The following GALNS variants were observed in gnomAD, a reference collection of about 807,000 sequenced individuals.
GALNS encodes galactosamine (N-acetyl)-6-sulfatase.
In GALNS, 65 loss-of-function variants were observed where a neutral mutation model predicts 65.9. That is an observed-to-expected ratio of 0.99 (90% CI 0.81 to 1.21). GALNS has a LOEUF of 1.21. Among genes scored for constraint, GALNS ranks in the 50% most tolerant of loss-of-function variants. GALNS has a pLI of 0.00. For synonymous variants in GALNS, 346 were observed against 288.9 expected, an observed-to-expected ratio of 1.20 and a Z score of -2.00; for missense variants, 776 against 700.7, an observed-to-expected ratio of 1.11 and a Z score of -1.21.
intron 12 of GALNS, among the ~76,000 whole-genome samples, chr16:88,819,069 G>C (rs1365998965): frequency 6.6e-5 from 10 of 152,240 alleles, no homozygotes; most frequent in Admixed American, 6.5e-4. Flanking sequence ...CTGAAGCCCA[G>C]TCTTCTGCCT....
chr16:88,837,833 C>A, intron 4 of GALNS, 68 bp from the exon 5 acceptor site: 1 of 1,527,476 alleles, frequency 6.5e-7, no homozygotes, highest in Admixed American at 1.7e-5. Context: ...TGAGCAGCAA[C>A]AGATACCACC....
Position 88,826,194 on chromosome 16 carries a change from G to A in GALNS, c.1139+508C>T, listed in dbSNP as rs554167930. Among the ~76,000 whole-genome samples, 637 of 149,530 alleles carry A rather than the reference G, an allele frequency of 4.3e-3. 9 individuals carry two copies. Among genetic ancestry groups the A allele is most frequent in the African/African-American group, 0.015 (595 of 40,442 alleles). ...GCTACAGACAGGGAACAGGGGTGGG[G>A]CGGGCAGGGGCGGCGTGTGCCCAGG... On this transcript the variant is annotated intron_variant, in intron 10 of 13. Transcript: ENST00000268695.
chr16:88,822,801 C>A, intron 11 of GALNS, 91 bp from the exon 12 acceptor site: 1 of 1,536,030 alleles, frequency 6.5e-7, no homozygotes, highest in Non-Finnish European at 8.8e-7. Context: ...CCCCTGACTG[C>A]GGCCGTGAGG....
intron 12 of GALNS, among the ~76,000 whole-genome samples, chr16:88,821,277 G>C (rs1007304801): frequency 6.6e-6 from 1 of 152,166 alleles, no homozygotes; most frequent in African/African-American, 2.4e-5. Context: ...GGTGAGCCGA[G>C]GCTGGTGGCG....
rs1483688791 is a variant in GALNS at position 88,826,851 on chromosome 16, G to C, written c.1003-13C>G. The C allele has an allele frequency of 1.3e-6, 2 of 1,565,986 alleles. No individual in the cohort carries two copies. Among genetic ancestry groups the C allele is most frequent in the African/African-American group, 2.7e-5 (2 of 73,664 alleles). On this transcript the variant is annotated splice_polypyrimidine_tract_variant and intron_variant, in intron 9 of 13. Transcript: ENST00000268695. ...GCTGGTGGCTCACCTGAAACACATG[G>C]CAGCAACACGGTCAGGGCACTCTGC...
chr16:88,815,061 A>T lies in GALNS; in HGVS notation c.1483-536T>A, dbSNP rs906109410. The T allele has an allele frequency of 4.4e-6, 4 of 905,248 alleles. No homozygotes were observed. In the Admixed American group the frequency reaches 3.9e-4, roughly 88 times the overall value. 56.1% of individuals were successfully genotyped at this position (905,248 alleles called of 1,614,324 possible). On this transcript the variant is annotated intron_variant, in intron 13 of 13. Transcript: ENST00000268695. The stretch of plus-strand genomic sequence containing the variant: ...AGCAGTTTTGATGTGTCCCCTGCCC[A>T]GGTCAACCCCGGACCCCAACCAATT...
chr16:88,822,170 C>T (rs941173212), intron 12 of GALNS, among the ~76,000 whole-genome samples: 1 of 152,104 alleles, frequency 6.6e-6, no homozygotes, highest in Non-Finnish European at 1.5e-5. Context: ...CCGGCATCCT[C>T]GGTGGGGTGA....
intron 1 of GALNS, among the ~76,000 whole-genome samples, chr16:88,853,212 C>G (rs1967589326): frequency 7.2e-6 from 1 of 139,722 alleles, no homozygotes; most frequent in African/African-American, 2.8e-5. Flanking sequence ...GATCACACCA[C>G]TGCAATCCAG....
chr16:88,818,055 G>C lies in GALNS; in HGVS notation c.1434C>G (p.Ala478=). Residue 478 remains alanine (A), a synonymous_variant, in exon 13 of 14, where the codon GCC becomes GCG. Coordinates refer to ENST00000268695, the MANE Select transcript of GALNS (RefSeq NM_000512.5). ...TGAGCTGGGGCTGCGCGGGGACCAAGGCCTCCTGGTGCTGCTGGACGACCG... is the reference window on the plus strand; with the variant it reads ...TGAGCTGGGGCTGCGCGGGGACCAACGCCTCCTGGTGCTGCTGGACGACCG... ...ITSVVQQHQE[A]LVPAQPQLNV... 1 of 1,582,016 alleles carries C rather than the reference G, an allele frequency of 6.3e-7. No individual in the cohort carries two copies. The highest frequency in any genetic ancestry group is 1.1e-5 in the South Asian group (1 of 87,110).
intron 5 of GALNS, 53 bp downstream of exon 5, chr16:88,837,564 AGGCAC>A: frequency 6.4e-7 from 1 of 1,574,262 alleles, no homozygotes; most frequent in South Asian, 1.1e-5. Context: ...GGCGGGGGGC[AGGCAC>A]GCCGGGCACA....
At chr16:88,855,812 G>C in intron 1 of GALNS, 1 of 511,490 alleles carries the variant, frequency 2.0e-6, no homozygotes, top group East Asian at 3.5e-5. Flanking sequence ...GCACAGGTGG[G>C]TCTGAAGGCA....
At chr16:88,818,170 G>A in intron 12 of GALNS, 46 bp from the exon 13 acceptor site, 4 of 1,461,232 alleles carry the variant, frequency 2.7e-6, no homozygotes, top group Non-Finnish European at 3.7e-6. Context: ...TGACAGCGAA[G>A]GACGGAGAGG....
At position 88,832,012 on chromosome 16, in the gene GALNS, C is replaced by T. The variant is rs767856715; in HGVS notation, c.988G>A (p.Val330Ile). The change falls in exon 9 of 14, where the codon GTC (valine) becomes ATC (isoleucine). Residue 330 changes from valine (V) to isoleucine (I), a missense_variant. Transcript: ENST00000268695. ...EPALAWWPGH[V>I]TAGQVSHQLG... ...CGCTGACTCACCTGGCCTGCAGTGA[C>T]GTGCCCTGGCCACCATGCGAGGGCA... 9.3e-6 allele frequency: 15 copies of T among 1,613,390 alleles called. No individual in the cohort carries two copies. In the South Asian group the frequency reaches 1.1e-4, roughly 12 times the overall value.
Position 88,842,796 on chromosome 16 carries a change from G to A in GALNS, c.154C>T (p.Pro52Ser). The change falls in exon 2 of 14, where the codon CCC (proline) becomes TCC (serine). Residue 52 changes from proline to serine, a missense_variant. Coordinates refer to ENST00000268695, the MANE Select transcript of GALNS (RefSeq NM_000512.5). ...GWGDLGVYGE[P>S]SRETPNLDRM... is the part of the protein sequence containing the mutation. ...TCCAAATTCGGGGTCTCTCTGGAGGGCTCTCCATACACCCCGAGGTCACCC... is the reference window on the plus strand; with the variant it reads ...TCCAAATTCGGGGTCTCTCTGGAGGACTCTCCATACACCCCGAGGTCACCC... 6.2e-7 allele frequency: 1 copy of A among 1,613,412 alleles called. No individual in the cohort carries two copies. Among genetic ancestry groups the A allele is most frequent in the Non-Finnish European group, 8.5e-7 (1 of 1,179,930 alleles).
intron 8 of GALNS, among the ~76,000 whole-genome samples, chr16:88,833,375 G>C (rs1215309812): frequency 6.6e-6 from 1 of 151,954 alleles, no homozygotes; most frequent in Non-Finnish European, 1.5e-5. Context: ...ACTTCTAGGG[G>C]ACACTCAGGC....
chr16:88,835,834 T>C lies in GALNS; in HGVS notation c.649A>G (p.Ile217Val). The C allele has an allele frequency of 1.9e-6, 3 of 1,614,136 alleles. No homozygotes were observed. Among genetic ancestry groups the C allele is most frequent in the Non-Finnish European group, 2.5e-6 (3 of 1,180,018 alleles). Residue 217 changes from isoleucine to valine, a missense_variant, in exon 7 of 14, where the codon ATT (isoleucine) becomes GTT (valine). By Grantham distance (29) the Ile-to-Val change is conservative. Transcript: ENST00000268695. ...QIYLQEALDF[I>V]KRQARHHPFF... The stretch of plus-strand genomic sequence containing the variant: ...GGGTGGTGCCGTGCCTGTCTCTTAA[T>C]GAAGTCCAGGGCTTCCTATGGAGAG...
intron 1 of GALNS, chr16:88,845,582 A>C (rs957931262): frequency 6.6e-6 from 1 of 151,742 alleles, no homozygotes; most frequent in Non-Finnish European, 1.5e-5. Flanking sequence ...CCCAGTCTCT[A>C]CTAAAAACAC....
At chr16:88,826,984 G>C in intron 9 of GALNS, 146 bp from the exon 10 acceptor site, 1 of 1,008,860 alleles carries the variant, frequency 9.9e-7, no homozygotes, top group Non-Finnish European at 1.5e-6. Flanking sequence ...CAGGGACTGA[G>C]CGGGGTCACA....
intron 11 of GALNS, among the ~76,000 whole-genome samples, chr16:88,824,367 T>C (rs1048765673): frequency 6.6e-6 from 1 of 151,948 alleles, no homozygotes; most frequent in Non-Finnish European, 1.5e-5. Flanking sequence ...TGGGGGTTGC[T>C]GTGGTGATGC....
Sources: gnomAD v4.1 joint callset for allele counts (sites outside exome capture counted in the v4.1 genomes callset) on GRCh38, gnomAD v4.1.1 for gene constraint, MANE v1.5 for transcripts, NCBI Gene and HGNC (gene_info 2026-07-23, HGNC 2026-07-21) for gene names.